Variants in GRIA4 observed in about 807,000 individuals in gnomAD.
GRIA4 encodes the protein glutamate ionotropic receptor AMPA type subunit 4.
In GRIA4, 34 loss-of-function variants were observed where a neutral mutation model predicts 104.0. The observed-to-expected ratio is 0.33, with a 90% CI of 0.25 to 0.44. GRIA4 has a LOEUF of 0.44. GRIA4 is among the 20% of genes least tolerant of loss of function. The pLI is 1.00. For missense variants in GRIA4, 750 were observed against 1,096.5 expected, an observed-to-expected ratio of 0.68 and a Z score of 4.46; for synonymous variants, 386 against 381.9, an observed-to-expected ratio of 1.01 and a Z score of -0.13.
intron 4 of GRIA4, among the ~76,000 whole-genome samples, chr11:105,829,328 C>G (rs1943888557): frequency 6.6e-6 from 1 of 151,958 alleles, no homozygotes; most frequent in Non-Finnish European, 1.5e-5. Context: ...CTGACTAGCT[C>G]TTTAGCAGGA....
chr11:105,656,536 AC>A, intron 3 of GRIA4, among the ~76,000 whole-genome samples: 1 of 152,174 alleles, frequency 6.6e-6, no homozygotes, highest in East Asian at 1.9e-4. Flanking sequence ...ATTTAATTAA[AC>A]TAAAGAGCTT....
chr11:105,629,223 A>T (rs1346941938), intron 3 of GRIA4, among the ~76,000 whole-genome samples: 1 of 151,718 alleles, frequency 6.6e-6, no homozygotes, highest in Non-Finnish European at 1.5e-5. Context: ...ACAAAGTAAG[A>T]CACTGTCTCT....
intron 4 of GRIA4, among the ~76,000 whole-genome samples, chr11:105,857,657 A>G (rs1475553165): frequency 6.6e-6 from 1 of 152,036 alleles, no homozygotes; most frequent in African/African-American, 2.4e-5. Context: ...TCAATTTCTC[A>G]ATCTGAAAAA....
chr11:105,624,445 A>G (rs1950833500), intron 3 of GRIA4, among the ~76,000 whole-genome samples: 1 of 152,146 alleles, frequency 6.6e-6, no homozygotes, highest in African/African-American at 2.4e-5. Context: ...TCTTGGAACT[A>G]GGAAGCTCTT....
At chr11:105,695,928 C>T (rs555661346) in intron 3 of GRIA4, among the ~76,000 whole-genome samples, 1 of 152,038 alleles carries the variant, frequency 6.6e-6, no homozygotes, top group Non-Finnish European at 1.5e-5. Flanking sequence ...ATTTGTATCC[C>T]CTTGTTAAAA....
rs963453874 is a variant in GRIA4, at chr11:105,884,924, T to C, written c.673-2595T>C. The stretch of plus-strand genomic sequence containing the variant: ...AAAATTAAACTGACACATTTTTGAC[T>C]GCAGTCACAAAGAAATCACAAGCTG... On this transcript the variant is annotated intron_variant, in intron 5 of 16. Coordinates refer to ENST00000282499, the MANE Select transcript of GRIA4 (RefSeq NM_000829.4). Among the ~76,000 whole-genome samples the C allele has an allele frequency of 1.3e-4, 20 of 152,146 alleles. 1 individual carries two copies. The highest frequency in any genetic ancestry group is 3.4e-4 in the African/African-American group (14 of 41,430).
intron 3 of GRIA4, among the ~76,000 whole-genome samples, chr11:105,678,312 T>G (rs527443847): frequency 2.0e-5 from 3 of 152,032 alleles, no homozygotes; most frequent in Non-Finnish European, 4.4e-5. Context: ...TACAATGTTT[T>G]CCTTCTCACT....
chr11:105,974,269 G>T (rs769017260), intron 15 of GRIA4, 41 bp from the exon 16 acceptor site: 2 of 1,588,312 alleles, frequency 1.3e-6, no homozygotes, highest in South Asian at 2.3e-5. Context: ...TTTTGGATGT[G>T]ACATTTCCAC....
chr11:105,909,452 G>A (rs1016300899), intron 9 of GRIA4, among the ~76,000 whole-genome samples: 6 of 152,126 alleles, frequency 3.9e-5, no homozygotes, highest in African/African-American at 1.4e-4. Context: ...AGCAAAGCAT[G>A]TAGACTTGGT....
chr11:105,933,742 T>C lies in GRIA4; in HGVS notation c.2067T>C (p.Tyr689=), dbSNP rs879222594. The C allele has an allele frequency of 1.3e-6, 2 of 1,598,850 alleles. No individual in the cohort carries two copies. Among genetic ancestry groups the C allele is most frequent in the Admixed American group, 3.4e-5 (2 of 58,372 alleles). ...TCCAGAGATCAAAAATAGCAGTGTA[T>C]GAAAAGATGTGGACCTACATGCGAT... ...EFFRRSKIAV[Y]EKMWTYMRSA... Residue 689 remains tyrosine, a synonymous_variant, in exon 14 of 17, where the codon TAT becomes TAC. Coordinates refer to ENST00000282499, the MANE Select transcript of GRIA4 (RefSeq NM_000829.4).
At chr11:105,710,865 T>A (rs188399218) in intron 3 of GRIA4, among the ~76,000 whole-genome samples, 4 of 152,242 alleles carry the variant, frequency 2.6e-5, no homozygotes, top group East Asian at 3.9e-4. Context: ...ATTTAGCAAA[T>A]ATTAAATACA....
chr11:105,874,225 G>A (rs150979214), intron 5 of GRIA4, among the ~76,000 whole-genome samples: 9 of 152,142 alleles, frequency 5.9e-5, no homozygotes, highest in Admixed American at 5.2e-4. Context: ...TCAGATGGTT[G>A]TAGATGTATG....
Position 105,702,093 on chromosome 11 carries a change from C to T in GRIA4, c.248-50888C>T, listed in dbSNP as rs76810212. 3.0e-3 allele frequency among the ~76,000 whole-genome samples: 453 copies of T among 152,196 alleles called. 7 individuals carry two copies. Among genetic ancestry groups the T allele is most frequent in the African/African-American group, 0.011 (445 of 41,526 alleles). ...GTGAATACAGGTGCTGCAACTACAT[C>T]TGGCTAATTTTAAAAATGTGTTTAG... On this transcript the variant is annotated intron_variant, in intron 3 of 16. Transcript: ENST00000282499.
At chr11:105,953,988 G>A (rs1392295497) in intron 14 of GRIA4, among the ~76,000 whole-genome samples, 1 of 152,054 alleles carries the variant, frequency 6.6e-6, no homozygotes, top group East Asian at 1.9e-4. Context: ...TCAGCCTAAG[G>A]GAAAAGACTC....
intron 10 of GRIA4, among the ~76,000 whole-genome samples, chr11:105,917,868 T>C (rs1441284873): frequency 6.3e-5 from 9 of 142,584 alleles, no homozygotes; most frequent in Non-Finnish European, 1.5e-5. Flanking sequence ...CTGAAAACCG[T>C]CCAGTAATTA....
chr11:105,627,431 A>T (rs1950915982), intron 3 of GRIA4, among the ~76,000 whole-genome samples: 2 of 152,148 alleles, frequency 1.3e-5, no homozygotes, highest in African/African-American at 4.8e-5. Context: ...AGACAGCAAG[A>T]ATTATTTTAA....
chr11:105,784,565 C>T (rs909493527), intron 4 of GRIA4, among the ~76,000 whole-genome samples: 2 of 152,124 alleles, frequency 1.3e-5, no homozygotes, highest in Non-Finnish European at 2.9e-5. Flanking sequence ...GTATGTGCTG[C>T]GTGAATGAGA....
intron 3 of GRIA4, among the ~76,000 whole-genome samples, chr11:105,638,916 CA>C (rs537741752): frequency 5.9e-5 from 9 of 152,074 alleles, no homozygotes; most frequent in Non-Finnish European, 8.8e-5. Context: ...AAGTTGCCGA[CA>C]AATCCTTTTC....
chr11:105,715,297 C>T (rs1269663326), intron 3 of GRIA4, among the ~76,000 whole-genome samples: 1 of 152,104 alleles, frequency 6.6e-6, no homozygotes, highest in African/African-American at 2.4e-5. Context: ...TATATGACTA[C>T]CTTCCCTATA....
Sources: gnomAD v4.1 joint callset for allele counts (sites outside exome capture counted in the v4.1 genomes callset) on GRCh38, gnomAD v4.1.1 for gene constraint, MANE v1.5 for transcripts, NCBI Gene and HGNC (gene_info 2026-07-23, HGNC 2026-07-21) for gene names.